TMSB15B: variants seen among roughly 807,000 people sequenced by gnomAD.
TMSB15B encodes thymosin beta-15B.
intron 1 of TMSB15B, among the ~76,000 whole-genome samples, chrX:103,929,205 T>G (rs2074977901): frequency 8.9e-6 from 1 of 112,111 alleles, no homozygotes; most frequent in African/African-American, 3.2e-5. Context: ...TATTCCTTAG[T>G]CAAAAAGAAA....
At chrX:103,945,615 A>G (rs1244581317) in intron 1 of TMSB15B, among the ~76,000 whole-genome samples, 1 of 112,274 alleles carries the variant, frequency 8.9e-6, no homozygotes, top group East Asian at 2.8e-4. Context: ...CCAAGTCTCA[A>G]TATGAGTTTT....
Position 103,927,623 on chromosome X carries a change from A to C in TMSB15B, c.-721+8331A>C, listed in dbSNP as rs147696555. 9.8e-3 allele frequency among the ~76,000 whole-genome samples: 1,073 copies of C among 109,333 alleles called. 11 individuals are homozygous for C. The highest frequency in any genetic ancestry group is 0.034 in the African/African-American group (1,025 of 29,973). The allele number at this position is 109,333 out of a possible 115,157, so 94.9% of individuals were successfully genotyped here. A position where few individuals can be genotyped will look rare whatever the true frequency, so the allele number is the denominator to read the frequency against. On this transcript the variant is annotated intron_variant, in intron 1 of 3. Coordinates refer to the TMSB15B transcript ENST00000419165. ...CTTTTAGAGAAAGCGTTGCACTTCA[A>C]CTGTTAAATGCCTTTCTGCCTCTGC...
chrX:103,951,756 T>C (rs1556328319), intron 1 of TMSB15B, among the ~76,000 whole-genome samples: 1 of 110,641 alleles, frequency 9.0e-6, no homozygotes, highest in Non-Finnish European at 1.9e-5. Flanking sequence ...ACATCTGAGC[T>C]AAGAAAGGAG....
intron 1 of TMSB15B, among the ~76,000 whole-genome samples, chrX:103,939,446 T>G (rs1468742912): frequency 1.8e-5 from 2 of 109,672 alleles, no homozygotes; most frequent in Non-Finnish European, 3.8e-5. Flanking sequence ...TTGATCGATT[T>G]GACTATTGAT....
At chrX:103,923,556 G>A (rs1406013450) in intron 1 of TMSB15B, among the ~76,000 whole-genome samples, 2 of 111,405 alleles carry the variant, frequency 1.8e-5, no homozygotes, top group Non-Finnish European at 3.8e-5. Context: ...TGTTCCATTG[G>A]TCTATATCTC....
chrX:103,947,851 C>G (rs2075029297), intron 1 of TMSB15B, among the ~76,000 whole-genome samples: 1 of 111,035 alleles, frequency 9.0e-6, no homozygotes, highest in Non-Finnish European at 1.9e-5. Context: ...ACCAGGAAAC[C>G]TATAAAAAAA....
intron 1 of TMSB15B, among the ~76,000 whole-genome samples, chrX:103,937,210 G>C (rs1319676447): frequency 2.7e-5 from 3 of 111,848 alleles, no homozygotes; most frequent in African/African-American, 9.8e-5. Flanking sequence ...GAGTCCATCT[G>C]TTTCTATTGT....
At chrX:103,932,481 A>G (rs2074987244) in intron 1 of TMSB15B, 1 of 112,426 alleles carries the variant, frequency 8.9e-6, no homozygotes, top group Admixed American at 9.4e-5. Context: ...CTCAGAGCAT[A>G]TTTTAAAGCT....
At chrX:103,942,253 C>T (rs1360215319) in intron 1 of TMSB15B, among the ~76,000 whole-genome samples, 3 of 111,546 alleles carry the variant, frequency 2.7e-5, no homozygotes, top group Non-Finnish European at 5.7e-5. Context: ...TTTTGACTTT[C>T]ACATCTATGT....
At chrX:103,947,772 A>G (rs1428626711) in intron 1 of TMSB15B, among the ~76,000 whole-genome samples, 1 of 112,199 alleles carries the variant, frequency 8.9e-6, no homozygotes, top group Non-Finnish European at 1.9e-5. Flanking sequence ...TATTTGAAAA[A>G]CAAACAACTT....
intron 1 of TMSB15B, among the ~76,000 whole-genome samples, chrX:103,939,828 C>A (rs1212670287): frequency 8.9e-6 from 1 of 111,738 alleles, no homozygotes; most frequent in Non-Finnish European, 1.9e-5. Flanking sequence ...TGGTGACCTT[C>A]GAATTGAGTT....
intron 1 of TMSB15B, among the ~76,000 whole-genome samples, chrX:103,934,124 C>A (rs2074991425): frequency 9.0e-6 from 1 of 110,987 alleles, no homozygotes; most frequent in Non-Finnish European, 1.9e-5. Flanking sequence ...ATTAACCAAT[C>A]TCTCTTCATT....
At chrX:103,955,035 C>CTGAACATTGGCCCCCTAGT (rs1288469265) in intron 1 of TMSB15B, among the ~76,000 whole-genome samples, 1 of 111,411 alleles carries the variant, frequency 9.0e-6, no homozygotes, top group East Asian at 2.8e-4. Context: ...GGGTTGGGAG[C>CTGAACATTGGCCCCCTAGT]TGAACATTGG....
chrX:103,932,480 T>C (rs782365560), intron 1 of TMSB15B: 15 of 112,530 alleles, frequency 1.3e-4, no homozygotes, highest in Non-Finnish European at 2.4e-4. Context: ...CCTCAGAGCA[T>C]ATTTTAAAGC....
chrX:103,920,991 G>T lies in TMSB15B; in HGVS notation c.-721+1699G>T, dbSNP rs781842097. ...AGTGTGGCTAGGAGGCTCCTGTGGG[G>T]CCTGTTCTTGACTCCTGATGCTTGG... On this transcript the variant is annotated intron_variant, in intron 1 of 3. Coordinates refer to the TMSB15B transcript ENST00000419165. 4.5e-5 allele frequency among the ~76,000 whole-genome samples: 5 copies of T among 112,346 alleles called. No individual in the cohort carries two copies. In the South Asian group the frequency reaches 1.9e-3, roughly 42 times the overall value.
At chrX:103,932,312 A>T (rs112736648) in intron 1 of TMSB15B, 58 of 111,345 alleles carry the variant, frequency 5.2e-4, no homozygotes, top group African/African-American at 1.9e-3. Context: ...CTCCAGGTAG[A>T]TTTGTGTCAG....
rs184422664 is a variant in TMSB15B at position 103,926,852 on chromosome X, C to A, written c.-721+7560C>A. ...CTGTCCCTGTCAGTGTAGATGGAAGCCCTCCAGCCTGGCCATCATGTCCCT... is the reference window on the plus strand; with the variant it reads ...CTGTCCCTGTCAGTGTAGATGGAAGACCTCCAGCCTGGCCATCATGTCCCT... On this transcript the variant is annotated intron_variant, in intron 1 of 3. Transcript: ENST00000419165. 1.0e-4 allele frequency among the ~76,000 whole-genome samples: 11 copies of A among 108,440 alleles called. No homozygotes were observed. The East Asian group carries it at 3.2e-3, about 32-fold the overall frequency. The allele number at this position is 108,440 out of a possible 115,157, so 94.2% of individuals were successfully genotyped here. A position where few individuals can be genotyped will look rare whatever the true frequency, so the allele number is the denominator to read the frequency against.
intron 1 of TMSB15B, among the ~76,000 whole-genome samples, chrX:103,934,020 T>C (rs2074991253): frequency 1.8e-5 from 2 of 111,575 alleles, no homozygotes; most frequent in South Asian, 3.8e-4. Flanking sequence ...CTTCTAGCTA[T>C]TTTGAAATAC....
intron 1 of TMSB15B, among the ~76,000 whole-genome samples, chrX:103,920,073 T>C (rs2074947573): frequency 8.9e-6 from 1 of 112,108 alleles, no homozygotes; most frequent in African/African-American, 3.2e-5. Flanking sequence ...TCCTTCGTTT[T>C]TTTAAAAATA....
Sources: gnomAD v4.1 joint callset for allele counts (sites outside exome capture counted in the v4.1 genomes callset) on GRCh38, gnomAD v4.1.1 for gene constraint, MANE v1.5 for transcripts, NCBI Gene and HGNC (gene_info 2026-07-23, HGNC 2026-07-21) for gene names.